The following SLC16A7 variants were observed in gnomAD, a reference collection of about 807,000 sequenced individuals.
SLC16A7 encodes solute carrier family 16 member 7, also known as monocarboxylate transporter 2.
A neutral mutation model predicts 34.9 loss-of-function variants in SLC16A7; 33 were observed. That is an observed-to-expected ratio of 0.94 (90% CI 0.72 to 1.26). SLC16A7 has a LOEUF of 1.26. Ranked by LOEUF, SLC16A7 falls within the 50% of genes most tolerant of loss-of-function variation. The probability of loss-of-function intolerance (pLI) is 0.00; values close to 1 mark genes in which losing one functional copy is unlikely to be tolerated. For synonymous variants in SLC16A7, 201 were observed against 206.6 expected, an observed-to-expected ratio of 0.97 and a Z score of 0.23; for missense variants, 573 against 578.1, an observed-to-expected ratio of 0.99 and a Z score of 0.09.
At chr12:59,660,174 A>C (rs1305311351) in intron 2 of SLC16A7, among the ~76,000 whole-genome samples, 1 of 152,002 alleles carries the variant, frequency 6.6e-6, no homozygotes, top group Non-Finnish European at 1.5e-5. Flanking sequence ...CTTTTTTTAA[A>C]AGAATTTTAT....
intron 3 of SLC16A7, among the ~76,000 whole-genome samples, chr12:59,752,728 A>G (rs1451860801): frequency 1.3e-5 from 2 of 152,226 alleles, no homozygotes; most frequent in African/African-American, 2.4e-5. Context: ...AGGCAGGCCA[A>G]CATTCAGGTT....
In SLC16A7 at chr12:59,779,536, C is replaced by T. The variant is rs749505736; in HGVS notation, c.1294C>T (p.Leu432Phe). 1 of 1,612,870 alleles carries T rather than the reference C, an allele frequency of 6.2e-7. No individual in the cohort carries two copies. The part of the protein sequence containing the change: ...LIGNAINYRL[L>F]AKERKEENAR... Reference sequence around the variant, plus strand: ...TGGCAATGCTATCAACTATAGATTGCTTGCAAAGGAAAGGAAGGAGGAAAA... The same window carrying T: ...TGGCAATGCTATCAACTATAGATTGTTTGCAAAGGAAAGGAAGGAGGAAAA... The change falls in exon 6 of 6, where the codon CTT becomes TTT. Residue 432 changes from leucine (L) to phenylalanine (F), a missense_variant. Coordinates refer to ENST00000547379, the MANE Select transcript of SLC16A7 (RefSeq NM_001270623.2).
intron 3 of SLC16A7, among the ~76,000 whole-genome samples, chr12:59,757,711 CT>C (rs1310172221): frequency 6.6e-6 from 1 of 152,108 alleles, no homozygotes; most frequent in Non-Finnish European, 1.5e-5. Flanking sequence ...TCTGGCACCC[CT>C]GAGTCAGCCA....
intron 2 of SLC16A7, among the ~76,000 whole-genome samples, chr12:59,663,879 A>T (rs1868986566): frequency 6.6e-6 from 1 of 152,098 alleles, no homozygotes; most frequent in Non-Finnish European, 1.5e-5. Context: ...TCATTATTAT[A>T]CACATTTAGA....
intron 3 of SLC16A7, among the ~76,000 whole-genome samples, chr12:59,752,177 A>G (rs1879666891): frequency 2.0e-5 from 3 of 152,160 alleles, no homozygotes; most frequent in Admixed American, 2.0e-4. Context: ...GAAAAACTGG[A>G]AACTCTAAAA....
At chr12:59,756,033 C>T (rs1230748203) in intron 3 of SLC16A7, among the ~76,000 whole-genome samples, 1 of 152,188 alleles carries the variant, frequency 6.6e-6, no homozygotes, top group Non-Finnish European at 1.5e-5. Flanking sequence ...ATAAACGGTG[C>T]TGGGAAAACT....
At chr12:59,665,602 A>G (rs994252594) in intron 2 of SLC16A7, among the ~76,000 whole-genome samples, 15 of 152,218 alleles carry the variant, frequency 9.9e-5, no homozygotes, top group Non-Finnish European at 2.1e-4. Flanking sequence ...GACATTGCTC[A>G]CTAAGTTTTA....
intron 3 of SLC16A7, among the ~76,000 whole-genome samples, chr12:59,716,178 T>C (rs934236603): frequency 6.6e-6 from 1 of 152,184 alleles, no homozygotes; most frequent in African/African-American, 2.4e-5. Flanking sequence ...TGTGCATGAC[T>C]GTAGCATTCT....
chr12:59,629,718 C>T (rs1880093110), intron 1 of SLC16A7, among the ~76,000 whole-genome samples: 1 of 151,698 alleles, frequency 6.6e-6, no homozygotes, highest in Non-Finnish European at 1.5e-5. Flanking sequence ...TGTGTCTAAA[C>T]ATTTGATTTC....
intron 3 of SLC16A7, among the ~76,000 whole-genome samples, chr12:59,715,325 CACTG>C (rs1874770833): frequency 6.6e-6 from 1 of 152,166 alleles, no homozygotes; most frequent in African/African-American, 2.4e-5. Flanking sequence ...CAATATATTT[CACTG>C]ACTGACATTG....
intron 3 of SLC16A7, among the ~76,000 whole-genome samples, chr12:59,736,917 C>T (rs1002040304): frequency 6.6e-6 from 1 of 152,170 alleles, no homozygotes; most frequent in South Asian, 2.1e-4. Context: ...GTCATCTGTT[C>T]TCTACACCCT....
chr12:59,716,798 A>T (rs1874958016), intron 3 of SLC16A7, among the ~76,000 whole-genome samples: 1 of 152,164 alleles, frequency 6.6e-6, no homozygotes, highest in Non-Finnish European at 1.5e-5. Context: ...GTGAGCTGAG[A>T]TGGCACCACT....
At chr12:59,756,584 T>A (rs760595603) in intron 3 of SLC16A7, among the ~76,000 whole-genome samples, 45 of 151,582 alleles carry the variant, frequency 3.0e-4, no homozygotes, top group Non-Finnish European at 5.1e-4. Flanking sequence ...TTAGAATGGC[T>A]ATCATTAAAA....
intron 2 of SLC16A7, among the ~76,000 whole-genome samples, chr12:59,684,186 T>G (rs1870968223): frequency 6.6e-6 from 1 of 152,228 alleles, no homozygotes; most frequent in Non-Finnish European, 1.5e-5. Context: ...TCCTACTTTT[T>G]CTAGGCTCAG....
chr12:59,751,229 C>T (rs1202308784), intron 3 of SLC16A7, among the ~76,000 whole-genome samples: 3 of 152,176 alleles, frequency 2.0e-5, no homozygotes, highest in Non-Finnish European at 4.4e-5. Flanking sequence ...GTTCATCTCA[C>T]TAGGGAGTGC....
intron 1 of SLC16A7, among the ~76,000 whole-genome samples, chr12:59,640,370 G>C (rs181838930): frequency 2.0e-5 from 3 of 151,952 alleles, no homozygotes; most frequent in South Asian, 4.2e-4. Context: ...TTAAATTTTG[G>C]TGAATGTCCC....
At chr12:59,748,630 C>A (rs1289314985) in intron 3 of SLC16A7, among the ~76,000 whole-genome samples, 1 of 152,110 alleles carries the variant, frequency 6.6e-6, no homozygotes, top group Non-Finnish European at 1.5e-5. Context: ...CTGTAGCTGC[C>A]TACCATTTCA....
intron 2 of SLC16A7, among the ~76,000 whole-genome samples, chr12:59,679,087 G>A (rs771966328): frequency 2.2e-4 from 33 of 152,282 alleles, no homozygotes; most frequent in Middle Eastern, 6.8e-3. Flanking sequence ...AAGGGGCAGA[G>A]GGGCCTTCCT....
At chr12:59,775,811 A>C (rs913930290) in intron 5 of SLC16A7, among the ~76,000 whole-genome samples, 2 of 152,118 alleles carry the variant, frequency 1.3e-5, no homozygotes, top group South Asian at 2.1e-4. Flanking sequence ...TCATTGGTGA[A>C]CAGATCTCTC....
Sources: gnomAD v4.1 joint callset for allele counts (sites outside exome capture counted in the v4.1 genomes callset) on GRCh38, gnomAD v4.1.1 for gene constraint, MANE v1.5 for transcripts, NCBI Gene and HGNC (gene_info 2026-07-23, HGNC 2026-07-21) for gene names.